Variants in PHF21B observed in about 807,000 individuals in gnomAD.
PHF21B encodes PHD finger protein 4.
Under a neutral mutation model 62.2 loss-of-function variants are expected in PHF21B, and 22 were observed. The observed-to-expected ratio is 0.35, with a 90% CI of 0.25 to 0.51. PHF21B has a LOEUF of 0.51. Among genes scored for constraint, PHF21B ranks in the 20% least tolerant of loss-of-function variants. PHF21B has a pLI of 0.97. For synonymous variants in PHF21B, 341 were observed against 314.7 expected, an observed-to-expected ratio of 1.08 and a Z score of -0.88; for missense variants, 701 against 707.9, an observed-to-expected ratio of 0.99 and a Z score of 0.11.
chr22:44,942,094 G>A (rs2071970009), intron 2 of PHF21B, among the ~76,000 whole-genome samples: 1 of 152,214 alleles, frequency 6.6e-6, no homozygotes, highest in African/African-American at 2.4e-5. Context: ...CAAGTCTGGG[G>A]CCAGAAGAGC....
intron 2 of PHF21B, among the ~76,000 whole-genome samples, chr22:44,987,792 TC>T (rs2072978582): frequency 6.8e-6 from 1 of 146,784 alleles, no homozygotes; most frequent in Admixed American, 6.8e-5. Flanking sequence ...CTCTCTCCTC[TC>T]CCCCTCCCCC....
In PHF21B at chr22:44,883,295, C is replaced by T; in HGVS notation, c.1387G>A (p.Glu463Lys). 6.2e-7 allele frequency: 1 copy of T among 1,613,544 alleles called. No individual in the cohort carries two copies. The change falls in exon 13 of 13, where the codon GAG becomes AAG. Residue 463 changes from glutamate to lysine, a missense_variant. Coordinates refer to ENST00000313237, the MANE Select transcript of PHF21B (RefSeq NM_138415.5). ...RLASAVQKCLELKTSLLARQR... is the reference protein window; with the variant it reads ...RLASAVQKCLKLKTSLLARQR... ...CGGGCCAGCAGGCTTGTCTTCAACT[C>T]CAGGCATTTCTGTTGGGGAGAAGGT...
chr22:44,977,241 T>C (rs1304023819), intron 2 of PHF21B, among the ~76,000 whole-genome samples: 2 of 152,026 alleles, frequency 1.3e-5, no homozygotes, highest in African/African-American at 4.8e-5. Context: ...GACTTTTTTT[T>C]TAATAGTTTA....
At chr22:44,900,783 C>CT (rs34015375) in intron 5 of PHF21B, among the ~76,000 whole-genome samples, 1,707 of 128,322 alleles carry the variant, frequency 0.013, 18 homozygotes, top group African/African-American at 0.035. Flanking sequence ...TAAAGTGACT[C>CT]TTTTTTTTTT....
intron 12 of PHF21B, among the ~76,000 whole-genome samples, chr22:44,883,587 C>G (rs1279528266): frequency 6.6e-6 from 1 of 152,146 alleles, no homozygotes; most frequent in African/African-American, 2.4e-5. Context: ...GCTAGCTGCC[C>G]ACACTCTTCC....
intron 2 of PHF21B, among the ~76,000 whole-genome samples, chr22:44,928,755 G>A (rs969223543): frequency 6.6e-6 from 1 of 152,212 alleles, no homozygotes; most frequent in Non-Finnish European, 1.5e-5. Context: ...TACAGAAGGC[G>A]CTGGGTTTCT....
At chr22:44,998,547 A>G (rs575561548) in intron 2 of PHF21B, among the ~76,000 whole-genome samples, 420 of 152,136 alleles carry the variant, frequency 2.8e-3, no homozygotes, top group African/African-American at 9.4e-3. Flanking sequence ...CTCACATCCT[A>G]TGCTTTTAGC....
Position 44,916,494 on chromosome 22 carries a change from T to G in PHF21B, c.350A>C (p.Asn117Thr). 6.2e-7 allele frequency: 1 copy of G among 1,608,174 alleles called. No homozygotes were observed. Residue 117 changes from asparagine to threonine, a missense_variant, in exon 4 of 13, where the codon AAC (asparagine) becomes ACC (threonine). Transcript: ENST00000313237. ...KNPSPALPTANNTVSHVPAPG... is the reference protein window; with the variant it reads ...KNPSPALPTATNTVSHVPAPG... ...CGCTGGCACATGGCTGACAGTGTTGTTGGCGGTGGGGAGGGCTGGGCTGGG... is the reference window on the plus strand; with the variant it reads ...CGCTGGCACATGGCTGACAGTGTTGGTGGCGGTGGGGAGGGCTGGGCTGGG...
At chr22:44,984,351 T>C (rs991364203) in intron 2 of PHF21B, among the ~76,000 whole-genome samples, 26 of 151,380 alleles carry the variant, frequency 1.7e-4, no homozygotes, top group African/African-American at 6.3e-4. Context: ...CTTCACATCT[T>C]TCCATCTGGT....
chr22:44,932,140 T>G (rs1011353339), intron 2 of PHF21B, among the ~76,000 whole-genome samples: 1 of 152,212 alleles, frequency 6.6e-6, no homozygotes, highest in African/African-American at 2.4e-5. Flanking sequence ...ACCCGGAGGT[T>G]AGTTTTCCCT....
intron 3 of PHF21B, among the ~76,000 whole-genome samples, chr22:44,917,869 C>T (rs1277585263): frequency 2.0e-5 from 3 of 152,220 alleles, no homozygotes; most frequent in African/African-American, 7.2e-5. Flanking sequence ...CGTCTGTCAG[C>T]TCCTCACCAG....
chr22:44,928,715 G>A (rs1329787954), intron 2 of PHF21B, among the ~76,000 whole-genome samples: 1 of 152,212 alleles, frequency 6.6e-6, no homozygotes, highest in African/African-American at 2.4e-5. Flanking sequence ...TGGCTTAAAG[G>A]AACTTTTTAA....
intron 2 of PHF21B, among the ~76,000 whole-genome samples, chr22:45,002,431 C>A (rs552575746): frequency 2.0e-5 from 3 of 152,202 alleles, no homozygotes; most frequent in Non-Finnish European, 4.4e-5. Context: ...CCCACTAATT[C>A]TTTGGCTCTA....
At chr22:44,896,598 C>T (rs1418870732) in intron 5 of PHF21B, among the ~76,000 whole-genome samples, 1 of 152,228 alleles carries the variant, frequency 6.6e-6, no homozygotes, top group African/African-American at 2.4e-5. Context: ...ATCATTGGTC[C>T]TTTCATGGCT....
At chr22:44,962,732 A>G (rs1318017268) in intron 2 of PHF21B, among the ~76,000 whole-genome samples, 1 of 152,054 alleles carries the variant, frequency 6.6e-6, no homozygotes, top group East Asian at 1.9e-4. Flanking sequence ...ACCAGGTACT[A>G]TATGGACACA....
intron 2 of PHF21B, among the ~76,000 whole-genome samples, chr22:44,940,234 T>C (rs919325935): frequency 6.6e-6 from 1 of 152,176 alleles, no homozygotes; most frequent in Non-Finnish European, 1.5e-5. Context: ...GGCAAGCCTG[T>C]CCACACCCTC....
chr22:44,988,557 A>G (rs1008223436), intron 2 of PHF21B, among the ~76,000 whole-genome samples: 3 of 152,246 alleles, frequency 2.0e-5, no homozygotes, highest in Non-Finnish European at 4.4e-5. Flanking sequence ...GAAGTCCACC[A>G]AAGTCTTCAA....
intron 12 of PHF21B, among the ~76,000 whole-genome samples, chr22:44,883,939 A>G (rs1032714930): frequency 3.3e-5 from 5 of 150,982 alleles, no homozygotes; most frequent in Non-Finnish European, 5.9e-5. Context: ...ACCATCCTCT[A>G]ACACATCAAC....
chr22:44,932,331 G>A (rs923527831), intron 2 of PHF21B, among the ~76,000 whole-genome samples: 5 of 152,138 alleles, frequency 3.3e-5, no homozygotes, highest in African/African-American at 9.7e-5. Flanking sequence ...GTACTTACTC[G>A]TCCCTGTGTC....
Sources: allele counts gnomAD v4.1 joint callset (sites outside exome capture counted in the v4.1 genomes callset), GRCh38; gene constraint gnomAD v4.1.1; transcripts MANE v1.5; gene names NCBI Gene and HGNC (gene_info 2026-07-23, HGNC 2026-07-21).